Variants in ZFP64 observed in about 807,000 individuals in gnomAD.
The protein encoded by ZFP64 is ZFP64 zinc finger protein.
Under a neutral mutation model 51.6 loss-of-function variants are expected in ZFP64, and 14 were observed. The ratio of observed to expected loss-of-function variants is 0.27; its 90% confidence interval spans 0.18 to 0.42. The LOEUF is 0.42. ZFP64 is among the 10% of genes least tolerant of loss of function. The pLI, the probability that ZFP64 is intolerant of heterozygous loss-of-function variation, is 1.00. For synonymous variants in ZFP64, 375 were observed against 361.4 expected (o/e 1.04, Z -0.43); for missense variants, 754 against 906.8 (o/e 0.83, Z 2.16).
At chr20:52,107,391 T>C (rs899090000) in intron 5 of ZFP64, among the ~76,000 whole-genome samples, 6 of 152,166 alleles carry the variant, frequency 3.9e-5, no homozygotes, top group African/African-American at 1.4e-4. Flanking sequence ...TTTATTATGA[T>C]ATAATAAGTA....
intron 7 of ZFP64, among the ~76,000 whole-genome samples, chr20:52,092,606 T>G (rs1336648131): frequency 6.6e-6 from 1 of 152,082 alleles, no homozygotes; most frequent in Admixed American, 6.6e-5. Flanking sequence ...TCCCAACACT[T>G]TGGGAGGCCA....
intron 5 of ZFP64, among the ~76,000 whole-genome samples, chr20:52,098,782 G>T (rs1427099071): frequency 6.6e-6 from 1 of 151,908 alleles, no homozygotes; most frequent in Non-Finnish European, 1.5e-5. Flanking sequence ...GGTTGGTGGA[G>T]CACGAGTTCA....
At chr20:52,125,105 A>G (rs537750696) in intron 5 of ZFP64, among the ~76,000 whole-genome samples, 1 of 152,364 alleles carries the variant, frequency 6.6e-6, no homozygotes, top group Non-Finnish European at 1.5e-5. Flanking sequence ...CTGAGCTCAC[A>G]GCAATGAATT....
intron 5 of ZFP64, among the ~76,000 whole-genome samples, chr20:52,159,351 G>T (rs1332800960): frequency 2.0e-5 from 3 of 152,176 alleles, no homozygotes; most frequent in African/African-American, 7.2e-5. Flanking sequence ...CTTCAAAAAT[G>T]ATTGGAATGC....
chr20:52,088,840 A>G (rs1401762970), intron 7 of ZFP64: 12 of 756,748 alleles, frequency 1.6e-5, no homozygotes, highest in Non-Finnish European at 2.6e-5. Flanking sequence ...AGAAATCCTA[A>G]GGGAAAGATG....
chr20:52,176,505 CTT>C (rs557663780), intron 2 of ZFP64, among the ~76,000 whole-genome samples: 22 of 136,672 alleles, frequency 1.6e-4, no homozygotes, highest in African/African-American at 2.8e-4. Flanking sequence ...TTCAATCTCT[CTT>C]TTTTTTTTTT....
At chr20:52,090,539 AC>A (rs1213335269) in intron 7 of ZFP64, among the ~76,000 whole-genome samples, 1 of 152,078 alleles carries the variant, frequency 6.6e-6, no homozygotes, top group African/African-American at 2.4e-5. Context: ...GGTGGCTCAC[AC>A]CTGTAATCCC....
chr20:52,133,959 G>A (rs1464036530), intron 5 of ZFP64, among the ~76,000 whole-genome samples: 1 of 151,080 alleles, frequency 6.6e-6, no homozygotes, highest in East Asian at 2.0e-4. Flanking sequence ...AGCCCGGGAG[G>A]TGGAGGTTGC....
At chr20:52,124,591 A>T (rs1226120263) in intron 5 of ZFP64, among the ~76,000 whole-genome samples, 15 of 151,898 alleles carry the variant, frequency 9.9e-5, no homozygotes, top group Non-Finnish European at 1.5e-5. Context: ...ATATTGTAAA[A>T]AAGTAAACAT....
In ZFP64 at chr20:52,153,138, A is replaced by G; in HGVS notation, c.1054T>C (p.Cys352Arg). 6.2e-7 allele frequency: 1 copy of G among 1,614,218 alleles called. No homozygotes were observed. Among genetic ancestry groups the G allele is most frequent in the Non-Finnish European group, 8.5e-7 (1 of 1,180,038 alleles). Residue 352 changes from cysteine to arginine, a missense_variant, in exon 6 of 6, where the codon TGC becomes CGC. Physicochemically the swap from Cys to Arg is radical, Grantham distance 180 (BLOSUM62 -3). Transcript: ENST00000216923. The surrounding 1 kb of genome is among the most constrained non-coding windows in gnomAD (Gnocchi z 5.1). ...PEKCSECSYS[C>R]SSKAALRIHE... is the part of the protein sequence containing the mutation. ...ATGCGCAGGGCGGCCTTGCTGGAGC[A>G]GGAGTAGCTGCATTCCGAGCACTTC...
In ZFP64 at chr20:52,191,405, C is replaced by T. The variant is rs1043670379; in HGVS notation, c.46+186G>A. ...TCTTGCGCCAGGTCGGGTGCGCCCC[C>T]ACCCCAAGCCCACTCCGGCGCCCCC... On this transcript the variant is annotated intron_variant, in intron 1 of 5. Coordinates refer to ENST00000216923, the MANE Select transcript of ZFP64 (RefSeq NM_018197.3). This position sits in a 1 kb window ranked among gnomAD's most constrained non-coding sequence, Gnocchi z 4.3. 1.3e-5 allele frequency among the ~76,000 whole-genome samples: 2 copies of T among 152,130 alleles called. No homozygotes were observed. The highest frequency in any genetic ancestry group is 2.9e-5 in the Non-Finnish European group (2 of 68,008).
At chr20:52,104,800 G>A (rs1328545892) in intron 5 of ZFP64, 5 of 598,938 alleles carry the variant, frequency 8.3e-6, no homozygotes, top group South Asian at 1.5e-5. Flanking sequence ...TGCCAAGGAG[G>A]CCGGAGACTC....
chr20:52,187,026 T>G lies in ZFP64; in HGVS notation c.92A>C (p.His31Pro). The G allele has an allele frequency of 6.2e-7, 1 of 1,613,060 alleles. No homozygotes were observed. The highest frequency in any genetic ancestry group is 1.1e-5 in the South Asian group (1 of 91,052). ...TVLVELTPDI[H>P]ICGICKQQFN... ...CTGCTGCTTGCAGATGCCGCAGATATGGATGTCGGGAGTCAGCTCCACCAG... is the reference window on the plus strand; with the variant it reads ...CTGCTGCTTGCAGATGCCGCAGATAGGGATGTCGGGAGTCAGCTCCACCAG... Residue 31 changes from histidine (H) to proline (P), a missense_variant, in exon 2 of 6, where the codon CAT becomes CCT. Transcript: ENST00000216923.
chr20:52,173,744 G>T (rs1982945274), intron 2 of ZFP64, among the ~76,000 whole-genome samples: 1 of 151,846 alleles, frequency 6.6e-6, no homozygotes. Flanking sequence ...CGCTACCCAG[G>T]TTCAAGTGAT....
intron 5 of ZFP64, among the ~76,000 whole-genome samples, chr20:52,133,245 TATC>T (rs1979806696): frequency 6.6e-6 from 1 of 152,202 alleles, no homozygotes; most frequent in Admixed American, 6.5e-5. Context: ...CCACAGCTAG[TATC>T]ATAACTAATA....
chr20:52,131,520 T>C (rs1174353779), intron 5 of ZFP64, among the ~76,000 whole-genome samples: 1 of 152,050 alleles, frequency 6.6e-6, no homozygotes, highest in Non-Finnish European at 1.5e-5. Context: ...AATAAAGGGA[T>C]GAAAAAGATA....
rs1488984831 is a variant in ZFP64, at chr20:52,108,329, G to A, written c.764-9742C>T. On this transcript the variant is annotated intron_variant, in intron 5 of 8. Transcript: ENST00000361387. ...TATATTGATATAAAATGGGATCTCG[G>A]TATAGTCTTTTCTTGCATTTTCCAT... Among the ~76,000 whole-genome samples the A allele has an allele frequency of 3.3e-5, 5 of 152,194 alleles. No individual in the cohort carries two copies. The East Asian group carries it at 9.7e-4, about 29-fold the overall frequency.
In ZFP64 at chr20:52,151,620, G is replaced by C; in HGVS notation, c.*526C>G. On this transcript the variant is annotated 3_prime_UTR_variant, in exon 6 of 6. Transcript: ENST00000216923. Reference sequence around the variant, plus strand: ...TTGGAATCATCTTGGTAACATTTAAGATTCTACAACAGTTATAATGCGACG... The same window carrying C: ...TTGGAATCATCTTGGTAACATTTAACATTCTACAACAGTTATAATGCGACG... 4 of 987,126 alleles carry C rather than the reference G, an allele frequency of 4.1e-6. No homozygotes were observed. The highest frequency in any genetic ancestry group is 4.8e-6 in the Non-Finnish European group (4 of 831,046). 61.1% of individuals were successfully genotyped at this position (987,126 alleles called of 1,614,324 possible). A position where few individuals can be genotyped will look rare whatever the true frequency, so the allele number is the denominator to read the frequency against.
intron 7 of ZFP64, among the ~76,000 whole-genome samples, chr20:52,096,176 C>T (rs2078986218): frequency 6.6e-6 from 1 of 152,186 alleles, no homozygotes; most frequent in Non-Finnish European, 1.5e-5. Context: ...GCTCATCTGG[C>T]CATGTGTTGC....
Sources: gnomAD v4.1 joint callset for allele counts (sites outside exome capture counted in the v4.1 genomes callset) on GRCh38, gnomAD v4.1.1 for gene constraint, Gnocchi (gnomAD v3.1) non-coding constraint, MANE v1.5 for transcripts, NCBI Gene and HGNC (gene_info 2026-07-23, HGNC 2026-07-21) for gene names.